The following SLIT3 variants were observed in gnomAD, a reference collection of about 807,000 sequenced individuals.
The protein encoded by SLIT3 is slit homolog 3 protein.
In SLIT3, 68 loss-of-function variants were observed where a neutral mutation model predicts 184.0. That is an observed-to-expected ratio of 0.37 (90% CI 0.30 to 0.45). The LOEUF (loss-of-function observed/expected upper bound fraction) is 0.45, where lower values mean the gene tolerates loss of function less well. SLIT3 is among the 20% of genes least tolerant of loss of function. The pLI, the probability that SLIT3 is intolerant of heterozygous loss-of-function variation, is 1.00. For synonymous variants in SLIT3, 831 were observed against 828.6 expected (o/e 1.00, Z -0.05); for missense variants, 1,707 against 2,026.0 (o/e 0.84, Z 3.02).
chr5:168,891,097 A>T (rs1388154307), intron 4 of SLIT3, among the ~76,000 whole-genome samples: 1 of 152,210 alleles, frequency 6.6e-6, no homozygotes, highest in Non-Finnish European at 1.5e-5. Flanking sequence ...GCAGTATATA[A>T]TGCAAATTCC....
At chr5:168,703,496 G>A (rs987693644) in intron 26 of SLIT3, among the ~76,000 whole-genome samples, 3 of 152,056 alleles carry the variant, frequency 2.0e-5, no homozygotes, top group Non-Finnish European at 2.9e-5. Context: ...CTGTGCATGC[G>A]AGGGATCTAG....
chr5:169,263,435 T>A (rs114134365), intron 1 of SLIT3, among the ~76,000 whole-genome samples: 2 of 151,748 alleles, frequency 1.3e-5, no homozygotes, highest in African/African-American at 4.8e-5. Flanking sequence ...AACCAAGGAA[T>A]GCCAAGGGCT....
At chr5:168,807,501 T>G (rs141227252) in intron 8 of SLIT3, among the ~76,000 whole-genome samples, 1 of 152,174 alleles carries the variant, frequency 6.6e-6, no homozygotes, top group Admixed American at 6.5e-5. Context: ...CAAATGTGGA[T>G]TTTTTGGTCC....
intron 27 of SLIT3, among the ~76,000 whole-genome samples, chr5:168,698,086 G>A (rs1358436368): frequency 1.3e-5 from 2 of 152,174 alleles, no homozygotes; most frequent in Non-Finnish European, 2.9e-5. Context: ...CATCTCCTGT[G>A]TTGGTCTTCT....
At chr5:169,266,561 C>G (rs1327499176) in intron 1 of SLIT3, among the ~76,000 whole-genome samples, 1 of 152,128 alleles carries the variant, frequency 6.6e-6, no homozygotes, top group African/African-American at 2.4e-5. Flanking sequence ...AGGAAAGCAG[C>G]CTGGGTTCCT....
At chr5:168,857,405 T>TTTG (rs1400771921) in intron 5 of SLIT3, among the ~76,000 whole-genome samples, 4 of 150,172 alleles carry the variant, frequency 2.7e-5, no homozygotes, top group Non-Finnish European at 4.5e-5. Flanking sequence ...TTTGTTTTGT[T>TTTG]TTAAGATGAT....
chr5:169,290,826 C>A (rs1767339421), intron 1 of SLIT3, among the ~76,000 whole-genome samples: 1 of 120,186 alleles, frequency 8.3e-6, no homozygotes, highest in Non-Finnish European at 1.8e-5. Context: ...GCTATGGCAC[C>A]CACTAGGGCA....
intron 6 of SLIT3, among the ~76,000 whole-genome samples, chr5:168,824,933 T>C (rs563626598): frequency 6.6e-6 from 1 of 152,244 alleles, no homozygotes. Context: ...CTCTACATCA[T>C]ACGTCTGCAA....
Position 168,696,379 on chromosome 5 carries a change from C to T in SLIT3, c.2995G>A (p.Asp999Asn). ...EGQRCEINPDDCEDNDCENNA... is the reference protein window; with the variant it reads ...EGQRCEINPDNCEDNDCENNA... The stretch of plus-strand genomic sequence containing the variant: ...TTTTCGCAGTCGTTGTCCTCACAGT[C>T]ATCTGGGTTGATCTCACACCGCTGC... The change falls in exon 28 of 36, where the codon GAC (aspartate) becomes AAC (asparagine). Residue 999 changes from aspartate (D) to asparagine (N), a missense_variant. Transcript: ENST00000519560. 4 of 1,614,140 alleles carry T rather than the reference C, an allele frequency of 2.5e-6. No homozygotes were observed. The highest frequency in any genetic ancestry group is 3.4e-6 in the Non-Finnish European group (4 of 1,180,040).
intron 4 of SLIT3, among the ~76,000 whole-genome samples, chr5:168,998,888 G>A (rs1484976320): frequency 6.9e-6 from 1 of 145,724 alleles, no homozygotes; most frequent in East Asian, 2.0e-4. Context: ...AGGGGACCCA[G>A]AAATCTGTGT....
chr5:169,182,714 T>C (rs1052747239), intron 4 of SLIT3, among the ~76,000 whole-genome samples: 6 of 152,234 alleles, frequency 3.9e-5, no homozygotes, highest in Admixed American at 3.9e-4. Flanking sequence ...AGAATGTGTG[T>C]TTGGGTTCTG....
At chr5:169,203,009 G>A (rs1581050272) in intron 3 of SLIT3, among the ~76,000 whole-genome samples, 2 of 152,154 alleles carry the variant, frequency 1.3e-5, no homozygotes, top group South Asian at 2.1e-4. Flanking sequence ...CTTGATTTCA[G>A]GAGAAACGAA....
At chr5:169,155,299 G>C (rs1053020781) in intron 4 of SLIT3, among the ~76,000 whole-genome samples, 2 of 152,198 alleles carry the variant, frequency 1.3e-5, no homozygotes, top group African/African-American at 4.8e-5. Flanking sequence ...AAGCAAGACT[G>C]TTCCAACCAC....
At chr5:168,909,844 G>T (rs771976852) in intron 4 of SLIT3, among the ~76,000 whole-genome samples, 29 of 152,110 alleles carry the variant, frequency 1.9e-4, no homozygotes, top group Non-Finnish European at 3.1e-4. Flanking sequence ...CAAGATCTCC[G>T]GACTTATCTC....
intron 3 of SLIT3, among the ~76,000 whole-genome samples, chr5:169,220,104 A>G (rs1396322209): frequency 6.6e-6 from 1 of 151,950 alleles, no homozygotes; most frequent in African/African-American, 2.4e-5. Context: ...TAGACCCAGC[A>G]CCACTCTCAT....
intron 12 of SLIT3, among the ~76,000 whole-genome samples, chr5:168,776,281 T>G (rs1755744244): frequency 6.6e-6 from 1 of 152,174 alleles, no homozygotes; most frequent in South Asian, 2.1e-4. Flanking sequence ...GGCAAGCAGC[T>G]GTGGCAGTGA....
intron 32 of SLIT3, among the ~76,000 whole-genome samples, chr5:168,673,566 C>T (rs560006136): frequency 2.0e-5 from 3 of 152,352 alleles, no homozygotes; most frequent in African/African-American, 7.2e-5. Flanking sequence ...TATGTATACA[C>T]ACACACATTT....
intron 13 of SLIT3, 79 bp from the exon 14 acceptor site, chr5:168,773,023 G>A (rs1367445597): frequency 8.4e-6 from 12 of 1,428,272 alleles, no homozygotes; most frequent in Non-Finnish European, 1.1e-5. Context: ...CTCGCGCTGG[G>A]CCCTGGCAAT....
intron 5 of SLIT3, among the ~76,000 whole-genome samples, chr5:168,863,781 A>C (rs892943326): frequency 4.9e-4 from 74 of 152,312 alleles, no homozygotes; most frequent in African/African-American, 1.7e-3. Context: ...GCACATGACA[A>C]AAGAAAATCC....
Sources: allele counts gnomAD v4.1 joint callset (sites outside exome capture counted in the v4.1 genomes callset), GRCh38; gene constraint gnomAD v4.1.1; transcripts MANE v1.5; gene names NCBI Gene and HGNC (gene_info 2026-07-23, HGNC 2026-07-21).